The following ABCC9 variants were observed in gnomAD, a reference collection of about 807,000 sequenced individuals.
ABCC9 encodes the protein ATP binding cassette subfamily C member 9, also known as ATP-binding cassette sub-family C member 9.
A neutral mutation model predicts 188.3 loss-of-function variants in ABCC9; 95 were observed. The observed-to-expected ratio is 0.50, with a 90% CI of 0.43 to 0.60. The LOEUF (loss-of-function observed/expected upper bound fraction) is 0.60. Ranked by LOEUF, ABCC9 falls within the 20% of genes least tolerant of loss-of-function variation. The pLI is 0.00. For missense variants in ABCC9, 1,102 were observed against 1,876.3 expected, an observed-to-expected ratio of 0.59 and a Z score of 7.62; for synonymous variants, 659 against 652.7, an observed-to-expected ratio of 1.01 and a Z score of -0.15.
chr12:21,889,327 A>C (rs1344056691), intron 14 of ABCC9, among the ~76,000 whole-genome samples: 1 of 140,108 alleles, frequency 7.1e-6, no homozygotes, highest in Non-Finnish European at 1.6e-5. Context: ...CAGTGTTATA[A>C]ATGCGTTATG....
intron 39 of ABCC9, chr12:21,805,013 C>G (rs898915897): frequency 6.9e-6 from 3 of 433,236 alleles, no homozygotes; most frequent in Admixed American, 6.4e-5. Context: ...GTGAGCATGA[C>G]AAAAGCACTT....
intron 2 of ABCC9, among the ~76,000 whole-genome samples, chr12:21,936,916 C>G (rs1949511790): frequency 1.3e-5 from 2 of 152,058 alleles, no homozygotes; most frequent in African/African-American, 4.8e-5. Context: ...GAGAAAAATG[C>G]TTTCATGTGG....
At chr12:21,878,375 T>C (rs1233940906) in intron 16 of ABCC9, among the ~76,000 whole-genome samples, 1 of 152,160 alleles carries the variant, frequency 6.6e-6, no homozygotes, top group Non-Finnish European at 1.5e-5. Context: ...AAAAATCCTT[T>C]AGTACCTTTC....
intron 4 of ABCC9, among the ~76,000 whole-genome samples, chr12:21,929,642 C>G (rs2138029886): frequency 6.6e-6 from 1 of 152,120 alleles, no homozygotes. Flanking sequence ...AAAAGAGTCT[C>G]CATTAGTTGT....
At chr12:21,802,742 GCCAT>G (rs1941543964) in intron 39 of ABCC9, among the ~76,000 whole-genome samples, 1 of 152,080 alleles carries the variant, frequency 6.6e-6, no homozygotes, top group Non-Finnish European at 1.5e-5. Context: ...ACCTAAAAAT[GCCAT>G]CTGTTTAGCT....
chr12:21,836,422 A>G (rs1021186003), intron 30 of ABCC9, among the ~76,000 whole-genome samples: 10 of 152,198 alleles, frequency 6.6e-5, no homozygotes, highest in African/African-American at 2.4e-4. Context: ...TTTGATTTCC[A>G]TATAAAATAG....
intron 3 of ABCC9, 147 bp from the exon 4 acceptor site, chr12:21,934,070 A>G (rs1351781458): frequency 2.7e-6 from 2 of 735,916 alleles, no homozygotes; most frequent in Non-Finnish European, 4.5e-6. Context: ...TGGAAATCCT[A>G]GTCTATTTTC....
chr12:21,894,394 GA>G (rs921259720), intron 13 of ABCC9, among the ~76,000 whole-genome samples: 16 of 152,034 alleles, frequency 1.1e-4, no homozygotes, highest in Non-Finnish European at 1.6e-4. Context: ...GAGAAAGTTA[GA>G]AAAAAATTCT....
intron 12 of ABCC9, among the ~76,000 whole-genome samples, chr12:21,901,880 CA>C (rs1250379709): frequency 6.6e-6 from 1 of 152,134 alleles, no homozygotes; most frequent in Non-Finnish European, 1.5e-5. Context: ...CCACTGTCAA[CA>C]TTAGACAGAT....
chr12:21,813,621 T>A (rs1431691726), intron 35 of ABCC9, among the ~76,000 whole-genome samples: 2 of 152,160 alleles, frequency 1.3e-5, no homozygotes, highest in Non-Finnish European at 2.9e-5. Context: ...GTCAGTTGAT[T>A]TTTGATCACT....
At chr12:21,925,364 T>C (rs1041782509) in intron 5 of ABCC9, 5 of 563,890 alleles carry the variant, frequency 8.9e-6, no homozygotes, top group Non-Finnish European at 1.6e-5. Flanking sequence ...AAAACAATTT[T>C]AGTCACAATG....
At chr12:21,906,547 A>C (rs1948057458) in intron 11 of ABCC9, among the ~76,000 whole-genome samples, 1 of 152,132 alleles carries the variant, frequency 6.6e-6, no homozygotes, top group Admixed American at 6.6e-5. Flanking sequence ...TAAAAGCTAA[A>C]AACAATTTTC....
intron 16 of ABCC9, 60 bp downstream of exon 16, chr12:21,882,706 A>G (rs1946681433): frequency 2.1e-6 from 3 of 1,429,096 alleles, no homozygotes; most frequent in Admixed American, 3.4e-5. Flanking sequence ...ACAGAACTTC[A>G]CCATAAAATA....
At chr12:21,875,508 T>G in intron 17 of ABCC9, 146 bp downstream of exon 17, 1 of 625,002 alleles carries the variant, frequency 1.6e-6, no homozygotes, top group Non-Finnish European at 2.8e-6. Flanking sequence ...AGTGACACAG[T>G]GGCTCGCAAG....
chr12:21,925,048 A>G (rs1228587935), intron 5 of ABCC9: 1 of 152,800 alleles, frequency 6.5e-6, no homozygotes, highest in Non-Finnish European at 1.5e-5. Context: ...TAATTTCTAT[A>G]TCATTAGCCA....
chr12:21,894,182 A>G lies in ABCC9; in HGVS notation c.1660-8T>C. On this transcript the variant is annotated splice_region_variant and splice_polypyrimidine_tract_variant and intron_variant, in intron 13 of 39. Coordinates refer to ENST00000261200, the MANE Select transcript of ABCC9 (RefSeq NM_020297.4). ...CGCATGGGTCACAAATGTCTGTGCAAAGAAAGGAGTTCTTTAGAGAAAGCT... is the reference window on the plus strand; with the variant it reads ...CGCATGGGTCACAAATGTCTGTGCAGAGAAAGGAGTTCTTTAGAGAAAGCT... The G allele has an allele frequency of 6.2e-7, 1 of 1,613,990 alleles. No individual in the cohort carries two copies. Among genetic ancestry groups the G allele is most frequent in the East Asian group, 2.2e-5 (1 of 44,884 alleles).
chr12:21,880,834 A>C (rs1262728636), intron 16 of ABCC9, among the ~76,000 whole-genome samples: 1 of 152,150 alleles, frequency 6.6e-6, no homozygotes. Context: ...TTGAGGATGC[A>C]CATACCGTAC....
chr12:21,890,546 A>G (rs192724499), intron 14 of ABCC9, among the ~76,000 whole-genome samples: 107 of 152,174 alleles, frequency 7.0e-4, no homozygotes, highest in Non-Finnish European at 1.4e-3. Context: ...AAGAGTCACT[A>G]CCTCCTTTAA....
chr12:21,938,614 C>G (rs1161354606), intron 2 of ABCC9, among the ~76,000 whole-genome samples: 12 of 152,122 alleles, frequency 7.9e-5, no homozygotes, highest in African/African-American at 2.2e-4. Context: ...ATAAACTTTC[C>G]TCGCACAAAC....
Sources: gnomAD v4.1 joint callset for allele counts (sites outside exome capture counted in the v4.1 genomes callset) on GRCh38, gnomAD v4.1.1 for gene constraint, MANE v1.5 for transcripts, NCBI Gene and HGNC (gene_info 2026-07-23, HGNC 2026-07-21) for gene names.